TCF20: variants seen among roughly 807,000 people sequenced by gnomAD.
The protein encoded by TCF20 is SPRE-binding protein.
A neutral mutation model predicts 148.6 loss-of-function variants in TCF20; 3 were observed. The ratio of observed to expected loss-of-function variants is 0.02; its 90% CI spans 0.01 to 0.05. The LOEUF (loss-of-function observed/expected upper bound fraction) is 0.05, where lower values mean the gene tolerates loss of function less well. Among genes scored for constraint, TCF20 ranks in the 10% least tolerant of loss-of-function variants. TCF20 has a pLI of 1.00. For missense variants in TCF20, 2,350 were observed against 2,429.3 expected (o/e 0.97, Z 0.69); for synonymous variants, 1,049 against 909.5 (o/e 1.15, Z -2.76).
intron 1 of TCF20, among the ~76,000 whole-genome samples, chr22:42,231,605 CA>C (rs1923406374): frequency 6.6e-6 from 1 of 152,134 alleles, no homozygotes; most frequent in Non-Finnish European, 1.5e-5. Context: ...CAAAAGGTTA[CA>C]AATTTTTAAA....
At chr22:42,229,823 C>CT (rs1198299697) in intron 1 of TCF20, among the ~76,000 whole-genome samples, 2 of 152,202 alleles carry the variant, frequency 1.3e-5, no homozygotes, top group East Asian at 3.8e-4. Context: ...TACAGCACTT[C>CT]TTGTCCATAC....
At chr22:42,325,246 C>T (rs1205621584) in intron 1 of TCF20, among the ~76,000 whole-genome samples, 1 of 152,238 alleles carries the variant, frequency 6.6e-6, no homozygotes, top group Non-Finnish European at 1.5e-5. Context: ...CCTGGATGTT[C>T]TGGGCGGGGC....
At chr22:42,218,266 G>C (rs982322999) in intron 1 of TCF20, among the ~76,000 whole-genome samples, 2 of 152,176 alleles carry the variant, frequency 1.3e-5, no homozygotes, top group African/African-American at 4.8e-5. Context: ...TCTTCCACAT[G>C]GTCAGTAAAA....
rs1187399303 is a variant in TCF20 at position 42,260,321 on chromosome 22, GC to G, written c.-37+10017del. On this transcript the variant is annotated intron_variant, in intron 1 of 5. Transcript: ENST00000677622. ...GCAAAGGTTAGATATGACCCTGTTG[GC>G]CACCATATGAAAGCAATGAAAGACC... Among the ~76,000 whole-genome samples, 8 of 152,228 alleles carry G rather than the reference GC, an allele frequency of 5.3e-5. No individual in the cohort carries two copies. The South Asian group carries it at 1.7e-3, about 32-fold the overall frequency.
rs1190845357 is a variant in TCF20, at chr22:42,210,279, C to T, written c.5027G>A (p.Ser1676Asn). 6.2e-7 allele frequency: 1 copy of T among 1,614,202 alleles called. No homozygotes were observed. The highest frequency in any genetic ancestry group is 8.5e-7 in the Non-Finnish European group (1 of 1,180,036). Residue 1676 changes from serine to asparagine, a missense_variant, in exon 2 of 6, where the codon AGC becomes AAC. Transcript: ENST00000677622. This position sits in a 1 kb window ranked among gnomAD's most constrained non-coding sequence, Gnocchi z 4.7. The part of the protein sequence containing the change: ...GQRSLTPPPS[S>N]TESKALPASS... Reference sequence around the variant, plus strand: ...GGCCGGGAGCGCCTTGCTTTCAGTGCTGCTAGGTGGAGGGGTCAGTGACCT... The same window carrying T: ...GGCCGGGAGCGCCTTGCTTTCAGTGTTGCTAGGTGGAGGGGTCAGTGACCT...
intron 1 of TCF20, among the ~76,000 whole-genome samples, chr22:42,301,065 G>A (rs1014793236): frequency 4.6e-5 from 7 of 152,086 alleles, no homozygotes; most frequent in Admixed American, 1.3e-4. Context: ...GAAGGTCCTA[G>A]GGCAGAGCAT....
At chr22:42,186,913 C>G (rs1359154759) in intron 2 of TCF20, among the ~76,000 whole-genome samples, 2 of 152,218 alleles carry the variant, frequency 1.3e-5, no homozygotes, top group African/African-American at 4.8e-5. Context: ...GCATTGAAAA[C>G]TGCCCCAAAA....
intron 1 of TCF20, among the ~76,000 whole-genome samples, chr22:42,308,601 G>C (rs1927477206): frequency 6.6e-6 from 1 of 152,140 alleles, no homozygotes; most frequent in Non-Finnish European, 1.5e-5. Context: ...TCTTAGAAGT[G>C]TACCCAGGGC....
At chr22:42,289,938 C>G (rs1386928842) in intron 1 of TCF20, among the ~76,000 whole-genome samples, 1 of 152,238 alleles carries the variant, frequency 6.6e-6, no homozygotes, top group African/African-American at 2.4e-5. Flanking sequence ...ACCGAATTCT[C>G]CATCCAGATA....
intron 1 of TCF20, among the ~76,000 whole-genome samples, chr22:42,245,121 G>A (rs187421621): frequency 7.2e-5 from 11 of 152,198 alleles, no homozygotes; most frequent in Non-Finnish European, 1.5e-4. Context: ...CTCTAAAAAG[G>A]TGTAACTGAG....
At chr22:42,202,738 A>G (rs980220951) in intron 2 of TCF20, among the ~76,000 whole-genome samples, 3 of 152,210 alleles carry the variant, frequency 2.0e-5, no homozygotes, top group African/African-American at 7.2e-5. Context: ...GGATGAAGCA[A>G]GCCGTATCTT....
intron 2 of TCF20, among the ~76,000 whole-genome samples, chr22:42,206,686 A>G (rs1447043444): frequency 6.6e-6 from 1 of 152,198 alleles, no homozygotes; most frequent in African/African-American, 2.4e-5. Flanking sequence ...AAGGAGGCAC[A>G]AAGAAAAGAC....
At chr22:42,186,835 G>A (rs1281849109) in intron 2 of TCF20, among the ~76,000 whole-genome samples, 1 of 152,210 alleles carries the variant, frequency 6.6e-6, no homozygotes, top group East Asian at 1.9e-4. Flanking sequence ...AAGAAAAGAT[G>A]TTAAATAAAT....
intron 1 of TCF20, among the ~76,000 whole-genome samples, chr22:42,253,561 A>G (rs115096481): frequency 0.017 from 2,587 of 152,272 alleles, 75 homozygotes; most frequent in African/African-American, 0.059. Context: ...GGCGTATGAA[A>G]AACCAAAAGC....
At chr22:42,254,571 A>C (rs1202491582) in intron 1 of TCF20, among the ~76,000 whole-genome samples, 1 of 152,104 alleles carries the variant, frequency 6.6e-6, no homozygotes, top group Non-Finnish European at 1.5e-5. Context: ...TCCTCCATTC[A>C]CCTGCCCTAA....
chr22:42,280,483 A>G (rs190448436), intron 1 of TCF20, among the ~76,000 whole-genome samples: 1 of 152,222 alleles, frequency 6.6e-6, no homozygotes, highest in Admixed American at 6.5e-5. Flanking sequence ...AAACTACCAA[A>G]TCTCTGGGGC....
At chr22:42,257,213 G>C (rs533676360) in intron 1 of TCF20, among the ~76,000 whole-genome samples, 1 of 152,244 alleles carries the variant, frequency 6.6e-6, no homozygotes, top group South Asian at 2.1e-4. Context: ...TTACAGGGCA[G>C]GCGGTTCTCT....
chr22:42,296,698 T>G (rs1217720065), intron 1 of TCF20, among the ~76,000 whole-genome samples: 1 of 152,150 alleles, frequency 6.6e-6, no homozygotes, highest in Non-Finnish European at 1.5e-5. Context: ...AGCCAGGCAG[T>G]GCGACAGGGC....
At position 42,213,894 on chromosome 22, in the gene TCF20, T is replaced by G; in HGVS notation, c.1412A>C (p.Gln471Pro). Residue 471 changes from glutamine to proline, a missense_variant, in exon 2 of 6, where the codon CAG becomes CCG. Physicochemically the swap from Gln to Pro is moderately conservative, Grantham distance 76. Around this residue, in one of 7 missense-constraint regions of TCF20, gnomAD observed 1,641 missense variants for 1,662.6 expected, o/e 0.99. Coordinates refer to ENST00000677622, the MANE Select transcript of TCF20 (RefSeq NM_001378418.1). ...TQVANLPNTVQHMLLSDALTP... is the reference protein window; with the variant it reads ...TQVANLPNTVPHMLLSDALTP... ...CAGGGCATCAGAAAGTAACATGTGC[T>G]GGACAGTGTTAGGAAGATTGGCCAC... 2 of 1,614,194 alleles carry G rather than the reference T, an allele frequency of 1.2e-6. No homozygotes were observed. Among genetic ancestry groups the G allele is most frequent in the East Asian group, 2.2e-5 (1 of 44,890 alleles).
Sources: allele counts gnomAD v4.1 joint callset (sites outside exome capture counted in the v4.1 genomes callset), GRCh38; gene constraint gnomAD v4.1.1; regional missense constraint gnomAD v4.1.1; non-coding constraint Gnocchi (gnomAD v3.1); transcripts MANE v1.5; gene names NCBI Gene and HGNC (gene_info 2026-07-23, HGNC 2026-07-21).